ADGRB1: variants seen among roughly 807,000 people sequenced by gnomAD.
The protein encoded by ADGRB1 is adhesion G protein-coupled receptor B1.
A neutral mutation model predicts 175.7 loss-of-function variants in ADGRB1; 36 were observed. The observed-to-expected ratio is 0.20, with a 90% CI of 0.16 to 0.27. ADGRB1 has a LOEUF of 0.27. Ranked by LOEUF, ADGRB1 falls within the 10% of genes least tolerant of loss-of-function variation. ADGRB1 has a pLI of 1.00. For missense variants in ADGRB1, 1,731 were observed against 2,255.3 expected, an observed-to-expected ratio of 0.77 and a Z score of 4.71; for synonymous variants, 1,054 against 979.4, an observed-to-expected ratio of 1.08 and a Z score of -1.42.
chr8:142,478,629 G>A (rs1288147306), intron 7 of ADGRB1, among the ~76,000 whole-genome samples: 1 of 151,562 alleles, frequency 6.6e-6, no homozygotes, highest in Non-Finnish European at 1.5e-5. Context: ...GGTGCACAGT[G>A]GGACTTGGGG....
At chr8:142,501,085 C>A (rs976196239) in intron 17 of ADGRB1, among the ~76,000 whole-genome samples, 3 of 152,092 alleles carry the variant, frequency 2.0e-5, no homozygotes, top group Admixed American at 2.0e-4. Context: ...GGGACAGTGA[C>A]GGAGCTGGTT....
chr8:142,496,448 G>C (rs370363788), intron 17 of ADGRB1, among the ~76,000 whole-genome samples: 13 of 152,262 alleles, frequency 8.5e-5, no homozygotes, highest in African/African-American at 3.1e-4. Flanking sequence ...GAGTGGATGA[G>C]TGAATGATGG....
intron 1 of ADGRB1, among the ~76,000 whole-genome samples, chr8:142,452,692 G>T (rs1279740398): frequency 6.6e-6 from 1 of 152,166 alleles, no homozygotes; most frequent in African/African-American, 2.4e-5. Context: ...CAGCCGCGGG[G>T]CCTGGCATGA....
chr8:142,542,074 G>A lies in ADGRB1; in HGVS notation c.3840G>A (p.Pro1280=), dbSNP rs575943898. Residue 1280 remains proline (P), a synonymous_variant, in exon 28 of 31, where the codon CCG becomes CCA. Transcript: ENST00000517894. The surrounding 1 kb of genome is among the most constrained non-coding windows in gnomAD (Gnocchi z 6.3). ...CGCCCACCAATTTCAACAGCCTGCC[G>A]GCCAACGTGTCCAAGCTGCACCTGC... is the stretch of plus-strand genomic sequence containing the variant. ...KGPPTNFNSL[P]ANVSKLHLHG... 1.2e-4 allele frequency: 190 copies of A among 1,613,064 alleles called. No homozygotes were observed. In the South Asian group the frequency reaches 1.8e-3, roughly 15 times the overall value.
rs916719207 is a variant in ADGRB1 at position 142,504,072 on chromosome 8, C to T, written c.2676-6860C>T. ...AAGCTGGGTTCAGTAAGACCCAGGTCAGGCAGGTGTTCAAATGCCAAGGTC... is the reference window on the plus strand; with the variant it reads ...AAGCTGGGTTCAGTAAGACCCAGGTTAGGCAGGTGTTCAAATGCCAAGGTC... On this transcript the variant is annotated intron_variant, in intron 17 of 30. Transcript: ENST00000517894. This position sits in a 1 kb window ranked among gnomAD's most constrained non-coding sequence, Gnocchi z 5.6. Among the ~76,000 whole-genome samples the T allele has an allele frequency of 3.3e-5, 5 of 152,216 alleles. No homozygotes were observed. The highest frequency in any genetic ancestry group is 7.3e-5 in the Non-Finnish European group (5 of 68,034).
chr8:142,475,497 TG>T lies in ADGRB1; in HGVS notation c.812del (p.Gly271AlafsTer319). On this transcript the variant is annotated frameshift_variant, in exon 3 of 31. Coordinates refer to ENST00000517894, the MANE Select transcript of ADGRB1 (RefSeq NM_001702.3). LOFTEE classifies it high-confidence loss of function. ...AGGCGGCTGGAAGCTGTGGTCCCTG[TG>T]GGGCGAATGCACGCGGGACTGCGGG... ...ATGGWKLWSL[W>X]GECTRDCGGG... The T allele has an allele frequency of 7.7e-7, 1 of 1,295,490 alleles. No homozygotes were observed. The allele number at this position is 1,295,490 out of a possible 1,614,324, so 80.2% of individuals were successfully genotyped here. A position where few individuals can be genotyped will look rare whatever the true frequency, so the allele number is the denominator to read the frequency against.
At chr8:142,532,112 T>G (rs1844654698) in intron 24 of ADGRB1, among the ~76,000 whole-genome samples, 1 of 152,088 alleles carries the variant, frequency 6.6e-6, no homozygotes, top group Non-Finnish European at 1.5e-5. Context: ...TACTCCCTAT[T>G]CAGTCCTCCT....
At chr8:142,508,697 C>T (rs1233550975) in intron 17 of ADGRB1, among the ~76,000 whole-genome samples, 1 of 152,248 alleles carries the variant, frequency 6.6e-6, no homozygotes, top group Non-Finnish European at 1.5e-5. Flanking sequence ...GCGAAGGTCA[C>T]GTGGGCTGAG....
chr8:142,464,112 CT>C lies in ADGRB1; in HGVS notation c.-86del. 2 of 1,170,672 alleles carry C rather than the reference CT, an allele frequency of 1.7e-6. No individual in the cohort carries two copies. The highest frequency in any genetic ancestry group is 2.1e-6 in the Non-Finnish European group (2 of 938,930). 72.5% of individuals were successfully genotyped at this position (1,170,672 alleles called of 1,614,324 possible). Reference sequence around the variant, plus strand: ...CCTCCCTGCCCCCACCGGGCCGGCCCTGCCCGCCGCCGGACCCTGGCATGTC... The same window carrying C: ...CCTCCCTGCCCCCACCGGGCCGGCCCGCCCGCCGCCGGACCCTGGCATGTC... On this transcript the variant is annotated 5_prime_UTR_variant, in exon 2 of 31. Coordinates refer to ENST00000517894, the MANE Select transcript of ADGRB1 (RefSeq NM_001702.3).
chr8:142,506,548 G>A (rs965166190), intron 17 of ADGRB1, among the ~76,000 whole-genome samples: 3 of 152,228 alleles, frequency 2.0e-5, no homozygotes, highest in Admixed American at 1.3e-4. Context: ...GCTGACGAGA[G>A]GTGGCAAATG....
In ADGRB1 at chr8:142,520,933, G is replaced by A; in HGVS notation, c.3024+8G>A. On this transcript the variant is annotated splice_region_variant and intron_variant, in intron 20 of 30. Transcript: ENST00000517894. ...ACCCAGACCCGCAACAAGGTAGGCA[G>A]CCTTGCGTCCTGCCATGCACTTCCC... 6.2e-7 allele frequency: 1 copy of A among 1,608,658 alleles called. No individual in the cohort carries two copies. Among genetic ancestry groups the A allele is most frequent in the Non-Finnish European group, 8.5e-7 (1 of 1,175,300 alleles).
At position 142,542,572 on chromosome 8, in the gene ADGRB1, C is replaced by A. The variant is rs771898694; in HGVS notation, c.4338C>A (p.Ala1446=). 6.5e-7 allele frequency: 1 copy of A among 1,533,652 alleles called. No individual in the cohort carries two copies. Among genetic ancestry groups the A allele is most frequent in the Non-Finnish European group, 8.8e-7 (1 of 1,140,352 alleles). ...GCCTGGGGGATCCCGGGGAGCCTGC[C>A]GCCCATCCGGGACCCAGCACGGGGC... ...PPSLGDPGEP[A]AHPGPSTGPS... is the part of the protein sequence containing the mutation. The change falls in exon 28 of 31, where the codon GCC becomes GCA. Residue 1446 remains alanine, a synonymous_variant. Transcript: ENST00000517894. This position sits in a 1 kb window ranked among gnomAD's most constrained non-coding sequence, Gnocchi z 6.3.
chr8:142,476,196 GT>G (rs1458699966), intron 3 of ADGRB1, among the ~76,000 whole-genome samples: 11 of 152,212 alleles, frequency 7.2e-5, no homozygotes, highest in Non-Finnish European at 1.5e-4. Context: ...TGTTTGGGCT[GT>G]TTTTTCCTTG....
intron 17 of ADGRB1, among the ~76,000 whole-genome samples, chr8:142,509,840 A>T (rs1056990254): frequency 6.6e-6 from 1 of 152,146 alleles, no homozygotes; most frequent in Non-Finnish European, 1.5e-5. Flanking sequence ...TCATCTTTTC[A>T]GGAGGCCTGG....
At chr8:142,501,224 G>A (rs1842509911) in intron 17 of ADGRB1, among the ~76,000 whole-genome samples, 1 of 152,218 alleles carries the variant, frequency 6.6e-6, no homozygotes, top group Non-Finnish European at 1.5e-5. Flanking sequence ...GACGGTTGTG[G>A]TGACAGTGGT....
At chr8:142,470,321 T>G (rs1281582596) in intron 2 of ADGRB1, among the ~76,000 whole-genome samples, 2 of 152,162 alleles carry the variant, frequency 1.3e-5, no homozygotes, top group Non-Finnish European at 2.9e-5. Flanking sequence ...ATTAAAGAAT[T>G]TTATTGCACG....
At chr8:142,482,665 A>T (rs1402628303) in intron 11 of ADGRB1, among the ~76,000 whole-genome samples, 1 of 146,794 alleles carries the variant, frequency 6.8e-6, no homozygotes, top group Non-Finnish European at 1.5e-5. Flanking sequence ...CTGAGCCTCG[A>T]TCCTGGTCAC....
Position 142,520,060 on chromosome 8 carries a change from G to A in ADGRB1, c.2922-763G>A, listed in dbSNP as rs959802474. Among the ~76,000 whole-genome samples the A allele has an allele frequency of 2.6e-5, 4 of 151,584 alleles. No homozygotes were observed. In the South Asian group the frequency reaches 8.4e-4, roughly 32 times the overall value. ...TGGTGGTAGTGATTGTGATGGTGGTGATAGTGGTGCTGATGGTGGTGATGG... is the reference window on the plus strand; with the variant it reads ...TGGTGGTAGTGATTGTGATGGTGGTAATAGTGGTGCTGATGGTGGTGATGG... On this transcript the variant is annotated intron_variant, in intron 19 of 30. Transcript: ENST00000517894.
At chr8:142,469,756 TGTGA>T (rs1840545530) in intron 2 of ADGRB1, among the ~76,000 whole-genome samples, 1 of 152,102 alleles carries the variant, frequency 6.6e-6, no homozygotes, top group Non-Finnish European at 1.5e-5. Flanking sequence ...TGAGTGCCTG[TGTGA>T]ATGTATGTGT....
Sources: allele counts gnomAD v4.1 joint callset (sites outside exome capture counted in the v4.1 genomes callset), GRCh38; gene constraint gnomAD v4.1.1; non-coding constraint Gnocchi (gnomAD v3.1); transcripts MANE v1.5; gene names NCBI Gene and HGNC (gene_info 2026-07-23, HGNC 2026-07-21).